The following SPOCK3 variants were observed in gnomAD, a reference collection of about 807,000 sequenced individuals.
SPOCK3 encodes the protein testican-3.
Under a neutral mutation model 56.6 loss-of-function variants are expected in SPOCK3, and 30 were observed. The observed-to-expected ratio is 0.53, with a 90% CI of 0.40 to 0.72. SPOCK3 has a LOEUF of 0.72. Among genes scored for constraint, SPOCK3 ranks in the 30% least tolerant of loss-of-function variants. The probability of loss-of-function intolerance (pLI) is 0.00; values close to 1 mark genes in which losing one functional copy is unlikely to be tolerated. For synonymous variants in SPOCK3, 196 were observed against 183.3 expected (o/e 1.07, Z -0.56); for missense variants, 527 against 530.0 (o/e 0.99, Z 0.06).
At chr4:167,105,475 A>AC (rs1368583996) in intron 2 of SPOCK3, among the ~76,000 whole-genome samples, 6 of 150,508 alleles carry the variant, frequency 4.0e-5, no homozygotes, top group Admixed American at 1.3e-4. Flanking sequence ...AAAAAAAAAA[A>AC]AAAAACGAAT....
intron 6 of SPOCK3, among the ~76,000 whole-genome samples, chr4:166,802,827 T>G (rs1397834049): frequency 6.6e-6 from 1 of 152,096 alleles, no homozygotes; most frequent in South Asian, 2.1e-4. Context: ...GTGTACAACT[T>G]ACAACTAATT....
At chr4:167,188,789 C>T (rs181830574) in intron 2 of SPOCK3, among the ~76,000 whole-genome samples, 9 of 146,032 alleles carry the variant, frequency 6.2e-5, no homozygotes, top group Admixed American at 2.1e-4. Context: ...GATCTTATGA[C>T]ATTAAATTGA....
chr4:167,091,624 C>G (rs749499821), intron 2 of SPOCK3, among the ~76,000 whole-genome samples: 1 of 152,144 alleles, frequency 6.6e-6, no homozygotes, highest in Non-Finnish European at 1.5e-5. Flanking sequence ...CAACTTTTTA[C>G]ATGTCATATG....
At chr4:167,029,314 AC>A (rs1355135078) in intron 3 of SPOCK3, among the ~76,000 whole-genome samples, 2 of 151,910 alleles carry the variant, frequency 1.3e-5, no homozygotes, top group African/African-American at 2.4e-5. Flanking sequence ...TTAGTCTCTG[AC>A]CTTTTTAGAG....
chr4:166,818,355 T>G (rs1452823116), intron 6 of SPOCK3, among the ~76,000 whole-genome samples: 1 of 152,018 alleles, frequency 6.6e-6, no homozygotes, highest in Non-Finnish European at 1.5e-5. Flanking sequence ...AAATGTTAGC[T>G]TTTTTATGTG....
At position 166,766,533 on chromosome 4, in the gene SPOCK3, GA is replaced by G. The variant is rs554538884; in HGVS notation, c.710-11805del. ...TGAACCAGTCTTGCATCCCAGGGATGAAGCCAACTTGATCGTGGTGGATAAG... is the reference window on the plus strand; with the variant it reads ...TGAACCAGTCTTGCATCCCAGGGATGAGCCAACTTGATCGTGGTGGATAAG... On this transcript the variant is annotated intron_variant, in intron 7 of 10. Coordinates refer to ENST00000357545, the MANE Select transcript of SPOCK3 (RefSeq NM_001040159.2). 3.6e-4 allele frequency among the ~76,000 whole-genome samples: 55 copies of G among 152,280 alleles called. No individual in the cohort carries two copies. The East Asian group carries it at 0.011, about 29-fold the overall frequency.
chr4:166,920,134 TG>T (rs1404867674), intron 4 of SPOCK3, among the ~76,000 whole-genome samples: 8 of 152,128 alleles, frequency 5.3e-5, no homozygotes, highest in African/African-American at 1.7e-4. Context: ...TCCTTTCCAC[TG>T]GGCCATTTAT....
chr4:166,980,843 G>C (rs1171223950), intron 4 of SPOCK3, among the ~76,000 whole-genome samples: 1 of 152,188 alleles, frequency 6.6e-6, no homozygotes, highest in Non-Finnish European at 1.5e-5. Context: ...CCCTGCTTGG[G>C]AGGCCCCTAA....
chr4:167,165,809 A>G (rs1765710869), intron 2 of SPOCK3, among the ~76,000 whole-genome samples: 1 of 152,110 alleles, frequency 6.6e-6, no homozygotes, highest in Non-Finnish European at 1.5e-5. Context: ...TGCATATAAG[A>G]GGGAGTTATC....
Position 166,860,817 on chromosome 4 carries a change from G to GTATATATA in SPOCK3, c.589+28305_589+28312dup, listed in dbSNP as rs1307737257. 2.6e-3 allele frequency among the ~76,000 whole-genome samples: 80 copies of GTATATATA among 31,156 alleles called. 1 individual carries two copies. The highest frequency in any genetic ancestry group is 8.7e-3 in the African/African-American group (77 of 8,806). 20.4% of individuals were successfully genotyped at this position (31,156 alleles called of 152,430 possible). ...CACACAAATTCATATATATATATAT[G>GTATATATA]TATATATATATATGCATAAAATATA... On this transcript the variant is annotated intron_variant, in intron 6 of 10. Transcript: ENST00000357545.
intron 4 of SPOCK3, among the ~76,000 whole-genome samples, chr4:166,940,130 A>G (rs1740882015): frequency 6.6e-6 from 1 of 152,224 alleles, no homozygotes; most frequent in Middle Eastern, 3.2e-3. Context: ...CAGACTGGTC[A>G]ATGACATCTT....
At chr4:167,037,824 T>C (rs966895664) in intron 3 of SPOCK3, among the ~76,000 whole-genome samples, 3 of 152,248 alleles carry the variant, frequency 2.0e-5, no homozygotes, top group Admixed American at 1.3e-4. Flanking sequence ...TATCAAGTAT[T>C]TTCCTGAACT....
intron 2 of SPOCK3, among the ~76,000 whole-genome samples, chr4:167,071,458 T>C (rs1468857880): frequency 6.6e-6 from 1 of 151,912 alleles, no homozygotes; most frequent in Non-Finnish European, 1.5e-5. Flanking sequence ...TTCTCATTGT[T>C]CAATTCCCAC....
At chr4:166,744,103 C>G (rs975523352) in intron 8 of SPOCK3, among the ~76,000 whole-genome samples, 1 of 152,136 alleles carries the variant, frequency 6.6e-6, no homozygotes, top group Non-Finnish European at 1.5e-5. Flanking sequence ...TTGAAGAGAG[C>G]AGTGGTTCTC....
intron 6 of SPOCK3, among the ~76,000 whole-genome samples, chr4:166,853,324 CT>C (rs1436251867): frequency 1.3e-5 from 2 of 152,018 alleles, no homozygotes; most frequent in Non-Finnish European, 2.9e-5. Context: ...AGTATGAAGA[CT>C]TTTTTCTAAA....
intron 3 of SPOCK3, among the ~76,000 whole-genome samples, chr4:167,002,811 T>C (rs1017318834): frequency 6.6e-5 from 10 of 152,136 alleles, no homozygotes; most frequent in African/African-American, 2.4e-4. Flanking sequence ...ACATTAAAAG[T>C]GTTTTGAGCT....
intron 3 of SPOCK3, among the ~76,000 whole-genome samples, chr4:167,057,887 A>C (rs2150235484): frequency 6.6e-6 from 1 of 152,276 alleles, no homozygotes; most frequent in South Asian, 2.1e-4. Context: ...ACAAGACAGA[A>C]AGTTAACAAG....
intron 6 of SPOCK3, among the ~76,000 whole-genome samples, chr4:166,820,112 C>T (rs995256644): frequency 4.6e-5 from 7 of 151,896 alleles, no homozygotes; most frequent in East Asian, 1.9e-4. Flanking sequence ...GAGTCTTTTT[C>T]GGAAACAAGC....
At chr4:166,952,804 G>C (rs1358595403) in intron 4 of SPOCK3, among the ~76,000 whole-genome samples, 1 of 152,070 alleles carries the variant, frequency 6.6e-6, no homozygotes, top group African/African-American at 2.4e-5. Context: ...TCTGATCTTT[G>C]ACAAACCTGA....
Sources: gnomAD v4.1 joint callset for allele counts (sites outside exome capture counted in the v4.1 genomes callset) on GRCh38, gnomAD v4.1.1 for gene constraint, MANE v1.5 for transcripts, NCBI Gene and HGNC (gene_info 2026-07-23, HGNC 2026-07-21) for gene names.